Variants in NLRP4 observed in about 807,000 individuals in gnomAD.
NLRP4 encodes the protein NLR family pyrin domain containing 4, also known as NACHT, LRR and PYD domains-containing protein 4.
A neutral mutation model predicts 84.7 loss-of-function variants in NLRP4; 44 were observed. That is an observed-to-expected ratio of 0.52 (90% CI 0.41 to 0.67). The LOEUF (loss-of-function observed/expected upper bound fraction) is 0.67, where lower values mean the gene tolerates loss of function less well. Ranked by LOEUF, NLRP4 falls within the 30% of genes least tolerant of loss-of-function variation. The pLI, the probability that NLRP4 is intolerant of heterozygous loss-of-function variation, is 0.00. For missense variants in NLRP4, 1,260 were observed against 1,219.4 expected (o/e 1.03, Z -0.50); for synonymous variants, 544 against 476.4 (o/e 1.14, Z -1.85).
In NLRP4 at chr19:55,858,416, G is replaced by T. The variant is rs746364962; in HGVS notation, c.1023G>T (p.Pro341=). The T allele has an allele frequency of 6.2e-7, 1 of 1,614,064 alleles. No individual in the cohort carries two copies. The highest frequency in any genetic ancestry group is 2.2e-5 in the East Asian group (1 of 44,888). ...SEQLFSICQI[P]LLCWILCTSL... ...AGCTGTTTTCCATATGCCAAATCCC[G>T]CTCCTCTGCTGGATCCTGTGTACCA... Residue 341 remains proline, a synonymous_variant, in exon 3 of 10, where the codon CCG becomes CCT. Coordinates refer to ENST00000301295, the MANE Select transcript of NLRP4 (RefSeq NM_134444.5). This position sits in a 1 kb window ranked among gnomAD's most constrained non-coding sequence, Gnocchi z 4.2.
At position 55,852,049 on chromosome 19, in the gene NLRP4, C is replaced by T; in HGVS notation, c.-32C>T. 1 of 1,547,638 alleles carries T rather than the reference C, an allele frequency of 6.5e-7. No homozygotes were observed. The highest frequency in any genetic ancestry group is 8.7e-7 in the Non-Finnish European group (1 of 1,142,992). On this transcript the variant is annotated 5_prime_UTR_variant, in exon 2 of 10. Transcript: ENST00000301295. ...TATTTATTGTTCCTGGTCACTGTCT[C>T]TTTGAGGATTGGTATCTCTGCTCCA... is the stretch of plus-strand genomic sequence containing the variant.
rs1222209873 is a variant in NLRP4, at chr19:55,857,610, A to G, written c.281-64A>G. On this transcript the variant is annotated intron_variant, in intron 2 of 9. Transcript: ENST00000301295. ...GGAAAGATACATCCTGAGAAGAAAA[A>G]AAGAATATATGCAGGAATGCTTAAC... 6.0e-6 allele frequency: 9 copies of G among 1,505,646 alleles called. No homozygotes were observed. In the African/African-American group the frequency reaches 1.1e-4, roughly 19 times the overall value. 93.3% of individuals were successfully genotyped at this position (1,505,646 alleles called of 1,614,324 possible). A position where few individuals can be genotyped will look rare whatever the true frequency, so the allele number is the denominator to read the frequency against.
intron 1 of NLRP4, among the ~76,000 whole-genome samples, chr19:55,849,835 T>TGTAATTTCCGTAGCC (rs1983952323): frequency 7.0e-6 from 1 of 143,558 alleles, no homozygotes; most frequent in Admixed American, 6.7e-5. Context: ...TTTCCGAAGC[T>TGTAATTTCCGTAGCC]GCGGTGTAAT....
intron 3 of NLRP4, 120 bp downstream of exon 3, chr19:55,859,369 A>G (rs577622416): frequency 1.3e-6 from 1 of 782,290 alleles, no homozygotes; most frequent in African/African-American, 1.7e-5. Flanking sequence ...TCTGCCACAA[A>G]ACCTCAGCTC....
At chr19:55,872,238 A>G (rs1985214562) in intron 7 of NLRP4, among the ~76,000 whole-genome samples, 2 of 152,078 alleles carry the variant, frequency 1.3e-5, no homozygotes, top group Non-Finnish European at 2.9e-5. Context: ...ACACAACATA[A>G]CCTTAAACTA....
intron 3 of NLRP4, among the ~76,000 whole-genome samples, chr19:55,859,463 A>AGG (rs912559297): frequency 6.6e-6 from 1 of 152,184 alleles, no homozygotes; most frequent in African/African-American, 2.4e-5. Context: ...CCATTACAGA[A>AGG]GGGGGAATAA....
At chr19:55,853,801 CTCTCTT>C (rs1456027046) in intron 2 of NLRP4, among the ~76,000 whole-genome samples, 4 of 151,778 alleles carry the variant, frequency 2.6e-5, no homozygotes, top group Admixed American at 6.6e-5. Flanking sequence ...TTCTCTCTCT[CTCTCTT>C]TCTCTTTCTT....
At position 55,867,702 on chromosome 19, in the gene NLRP4, C is replaced by T. The variant is rs1258665532; in HGVS notation, c.2187-7C>T. 1.9e-6 allele frequency: 3 copies of T among 1,611,562 alleles called. No individual in the cohort carries two copies. The highest frequency in any genetic ancestry group is 4.5e-5 in the East Asian group (2 of 44,882). ...CAACAGAATGTGACATTTTCCCTTT[C>T]CTGCAGGCTGGTAAATTGTCACCTC... is the stretch of plus-strand genomic sequence containing the variant. On this transcript the variant is annotated splice_region_variant and splice_polypyrimidine_tract_variant and intron_variant, in intron 5 of 9. Coordinates refer to ENST00000301295, the MANE Select transcript of NLRP4 (RefSeq NM_134444.5).
At position 55,862,073 on chromosome 19, in the gene NLRP4, C is replaced by T; in HGVS notation, c.2100C>T (p.Ser700=). ...LFYQPDLKYL[S]FTLTKLSRDD... ...ATCAGCCAGACTTGAAATACCTGAG[C>T]TTCACCCTCACGAAACTCTCTCGTG... The change falls in exon 5 of 10, where the codon AGC becomes AGT. Residue 700 remains serine (S), a synonymous_variant. Transcript: ENST00000301295. 2 of 1,611,726 alleles carry T rather than the reference C, an allele frequency of 1.2e-6. No individual in the cohort carries two copies. Among genetic ancestry groups the T allele is most frequent in the East Asian group, 2.2e-5 (1 of 44,872 alleles).
intron 2 of NLRP4, among the ~76,000 whole-genome samples, chr19:55,854,999 C>T (rs891175055): frequency 1.3e-5 from 2 of 152,178 alleles, no homozygotes; most frequent in African/African-American, 4.8e-5. Flanking sequence ...GCTAGGATTA[C>T]AGGTGTGAAC....
Position 55,858,042 on chromosome 19 carries a change from A to G in NLRP4, c.649A>G (p.Thr217Ala), listed in dbSNP as rs760121706. The change falls in exon 3 of 10, where the codon ACA becomes GCA. Residue 217 changes from threonine (T) to alanine (A), a missense_variant. Coordinates refer to ENST00000301295, the MANE Select transcript of NLRP4 (RefSeq NM_134444.5). This position sits in a 1 kb window ranked among gnomAD's most constrained non-coding sequence, Gnocchi z 4.2. The part of the protein sequence containing the change: ...REWPDPAAPI[T>A]EIVSQPERLL... ...GTGGCCTGACCCCGCTGCTCCTATA[A>G]CAGAGATCGTGTCTCAACCGGAGAG... 3.7e-6 allele frequency: 6 copies of G among 1,614,136 alleles called. No homozygotes were observed. The highest frequency in any genetic ancestry group is 2.2e-5 in the South Asian group (2 of 91,080).
chr19:55,880,375 G>T (rs924806992), intron 9 of NLRP4, among the ~76,000 whole-genome samples: 6 of 152,254 alleles, frequency 3.9e-5, no homozygotes. Flanking sequence ...ACGGAGGTCT[G>T]TGTTTGTCTC....
intron 5 of NLRP4, among the ~76,000 whole-genome samples, chr19:55,863,147 C>T (rs971064402): frequency 5.3e-5 from 8 of 152,146 alleles, no homozygotes; most frequent in South Asian, 2.1e-4. Flanking sequence ...AGAACACTCT[C>T]GGTCGTATGC....
Position 55,878,720 on chromosome 19 carries a change from C to T in NLRP4, c.2697-74C>T, listed in dbSNP as rs78248882. 80 of 1,352,016 alleles carry T rather than the reference C, an allele frequency of 5.9e-5. No homozygotes were observed. The African/African-American group carries it at 9.2e-4, about 15-fold the overall frequency. 83.8% of individuals were successfully genotyped at this position (1,352,016 alleles called of 1,614,324 possible). ...GGCAATGGGGTGTGCCTCAACTAGA[C>T]GTCTAGCTCACATCCCATCCTACCT... On this transcript the variant is annotated intron_variant, in intron 8 of 9. Transcript: ENST00000301295.
At position 55,850,745 on chromosome 19, in the gene NLRP4, C is replaced by CTTCCTGAGGCTGCGGTGTAA. The variant is rs1984072724; in HGVS notation, c.-65-1267_-65-1266insTGAGGCTGCGGTGTAATTCC. On this transcript the variant is annotated intron_variant, in intron 1 of 9. Transcript: ENST00000301295. ...GTGTACTTTCCGAGGCTGCGGTGTA[C>CTTCCTGAGGCTGCGGTGTAA]TTCCCGAGGCTGCGGTGTAATTTCC... Among the ~76,000 whole-genome samples the CTTCCTGAGGCTGCGGTGTAA allele has an allele frequency of 1.1e-4, 5 of 45,054 alleles. 1 individual carries two copies. Among genetic ancestry groups the CTTCCTGAGGCTGCGGTGTAA allele is most frequent in the East Asian group, 1.0e-3 (2 of 1,928 alleles). The allele number at this position is 45,054 out of a possible 152,430, so 29.6% of individuals were successfully genotyped here.
intron 2 of NLRP4, 25 bp downstream of exon 2, chr19:55,852,385 GC>G: frequency 3.3e-6 from 5 of 1,535,102 alleles, no homozygotes; most frequent in Non-Finnish European, 4.4e-6. Context: ...GAAGGGGGAA[GC>G]CTTCTTATAA....
At position 55,861,464 on chromosome 19, in the gene NLRP4, G is replaced by A. The variant is rs1268193003; in HGVS notation, c.1935G>A (p.Val645=). ...GCGGGCACCTCAGAGAGCTCCAGGT[G>A]CAGGACAGCACCCTCAGCGAGTCGA... is the stretch of plus-strand genomic sequence containing the variant. ...TTSGHLRELQ[V]QDSTLSESTF... Residue 645 remains valine, a synonymous_variant, in exon 4 of 10, where the codon GTG becomes GTA. Coordinates refer to ENST00000301295, the MANE Select transcript of NLRP4 (RefSeq NM_134444.5). The A allele has an allele frequency of 7.4e-6, 12 of 1,614,086 alleles. No homozygotes were observed. Among genetic ancestry groups the A allele is most frequent in the African/African-American group, 5.3e-5 (4 of 74,944 alleles).
chr19:55,849,771 T>A (rs114298915), intron 1 of NLRP4, among the ~76,000 whole-genome samples: 40 of 132,570 alleles, frequency 3.0e-4, no homozygotes, highest in African/African-American at 1.2e-3. Context: ...GTAATTTCTG[T>A]AGCTGCGGTG....
chr19:55,867,854 G>T lies in NLRP4; in HGVS notation c.2332G>T (p.Asp778Tyr). Reference protein sequence around the residue: ...PLLCEALCSPDTVLVYLMLAF... With the variant: ...PLLCEALCSPYTVLVYLMLAF... ...TTTGTGTGAAGCCCTGTGCAGCCCA[G>T]ACACGGTCCTGGTATACCTGATGTG... The change falls in exon 6 of 10, where the codon GAC becomes TAC. Residue 778 changes from aspartate (D) to tyrosine (Y), a missense_variant. Around this residue, in one of 3 missense-constraint regions of NLRP4, gnomAD observed 544 missense variants for 531.7 expected, o/e 1.02. Coordinates refer to ENST00000301295, the MANE Select transcript of NLRP4 (RefSeq NM_134444.5). 1.2e-6 allele frequency: 2 copies of T among 1,614,150 alleles called. No homozygotes were observed. Among genetic ancestry groups the T allele is most frequent in the Non-Finnish European group, 1.7e-6 (2 of 1,179,996 alleles).
Sources: allele counts gnomAD v4.1 joint callset (sites outside exome capture counted in the v4.1 genomes callset), GRCh38; gene constraint gnomAD v4.1.1; regional missense constraint gnomAD v4.1.1; non-coding constraint Gnocchi (gnomAD v3.1); transcripts MANE v1.5; gene names NCBI Gene and HGNC (gene_info 2026-07-23, HGNC 2026-07-21).